RAVER2: variants seen among roughly 807,000 people sequenced by gnomAD.
RAVER2 encodes the protein ribonucleoprotein, PTB binding 2, also known as ribonucleoprotein PTB-binding 2.
In RAVER2, 46 loss-of-function variants were observed where a neutral mutation model predicts 78.1. The ratio of observed to expected loss-of-function variants is 0.59; its 90% CI spans 0.46 to 0.75. RAVER2 has a LOEUF of 0.75. Among genes scored for constraint, RAVER2 ranks in the 30% least tolerant of loss-of-function variants. The pLI is 0.00. For synonymous variants in RAVER2, 311 were observed against 313.3 expected (o/e 0.99, Z 0.08); for missense variants, 793 against 837.5 (o/e 0.95, Z 0.66).
At position 64,751,791 on chromosome 1, in the gene RAVER2, A is replaced by T. The variant is rs191148003; in HGVS notation, c.249+6370A>T. Among the ~76,000 whole-genome samples the T allele has an allele frequency of 4.3e-4, 66 of 151,990 alleles. 1 individual carries two copies. In the East Asian group the frequency reaches 5.8e-3, roughly 13 times the overall value. On this transcript the variant is annotated intron_variant, in intron 1 of 11. Coordinates refer to ENST00000294428, the Ensembl canonical transcript of RAVER2. ...TTTTAATTTTTAATTTAATTTTTTT[A>T]AAAAAAGCTTTATGCTTAACTTTCC...
chr1:64,810,144 A>G (rs1170350909), intron 9 of RAVER2, among the ~76,000 whole-genome samples: 1 of 152,118 alleles, frequency 6.6e-6, no homozygotes, highest in Non-Finnish European at 1.5e-5. Flanking sequence ...TTTTTGTTGG[A>G]ACTGTCATCC....
intron 5 of RAVER2, among the ~76,000 whole-genome samples, chr1:64,802,284 G>A (rs1653288768): frequency 1.3e-5 from 2 of 152,128 alleles, no homozygotes; most frequent in East Asian, 3.9e-4. Context: ...AAATTACTGG[G>A]AATGCAGCTC....
rs571688521 is a variant in RAVER2 at position 64,745,269 on chromosome 1, C to G, written c.97C>G (p.Pro33Ala). 1.2e-5 allele frequency: 17 copies of G among 1,364,044 alleles called. No homozygotes were observed. In the Admixed American group the frequency reaches 5.1e-4, roughly 41 times the overall value. The allele number at this position is 1,364,044 out of a possible 1,614,324, so 84.5% of individuals were successfully genotyped here. The change falls in exon 1 of 12, where the codon CCC becomes GCC. Residue 33 changes from proline to alanine, a missense_variant. Physicochemically the swap from Pro to Ala is conservative, Grantham distance 27 (BLOSUM62 -1). Coordinates refer to ENST00000294428, the Ensembl canonical transcript of RAVER2. This position sits in a 1 kb window ranked among gnomAD's most constrained non-coding sequence, Gnocchi z 4.3. ...GGGGCCGGGGCTGCGCGGGCAGGGC[C>G]CCTCAGCCGAAGCGCACGAGGGCGC...
chr1:64,797,104 T>C (rs927661571), intron 5 of RAVER2, among the ~76,000 whole-genome samples: 6 of 152,340 alleles, frequency 3.9e-5, no homozygotes, highest in African/African-American at 1.4e-4. Context: ...AATTAGAATT[T>C]AGACTTGTTT....
chr1:64,755,724 GTTTTTTTTTTTT>G lies in RAVER2; in HGVS notation c.249+10321_249+10332del, dbSNP rs753375050. Among the ~76,000 whole-genome samples the G allele has an allele frequency of 1.2e-3, 70 of 60,660 alleles. 1 individual carries two copies. The highest frequency in any genetic ancestry group is 3.5e-3 in the East Asian group (7 of 1,976). 39.8% of individuals were successfully genotyped at this position (60,660 alleles called of 152,430 possible). On this transcript the variant is annotated intron_variant, in intron 1 of 11. Transcript: ENST00000294428. ...CATTTCTCTGACTTTATGCTTCATA[GTTTTTTTTTTTT>G]TTTTTTTTTTTTTTTTTGTAGCCAG...
chr1:64,829,896 C>T (rs1034097386), intron 11 of RAVER2, among the ~76,000 whole-genome samples: 4 of 152,004 alleles, frequency 2.6e-5, no homozygotes, highest in African/African-American at 4.8e-5. Flanking sequence ...TCTTGTCATC[C>T]CTCTAACATG....
intron 11 of RAVER2, chr1:64,815,739 A>C (rs1183732111): frequency 6.6e-6 from 1 of 152,204 alleles, no homozygotes; most frequent in Non-Finnish European, 1.5e-5. Flanking sequence ...CCTGATTATA[A>C]GAGTACTAGA....
At chr1:64,803,540 T>C (rs1454999765) in intron 6 of RAVER2, among the ~76,000 whole-genome samples, 1 of 152,162 alleles carries the variant, frequency 6.6e-6, no homozygotes, top group African/African-American at 2.4e-5. Context: ...ATGTCTGTAA[T>C]ATTAGAGATA....
At chr1:64,779,279 A>C (rs1343621760) in intron 3 of RAVER2, among the ~76,000 whole-genome samples, 1 of 152,036 alleles carries the variant, frequency 6.6e-6, no homozygotes, top group Non-Finnish European at 1.5e-5. Flanking sequence ...ATATCTCCAC[A>C]AGCTCCCACA....
intron 1 of RAVER2, among the ~76,000 whole-genome samples, chr1:64,763,903 C>CA (rs938882542): frequency 7.6e-6 from 1 of 132,376 alleles, no homozygotes; most frequent in African/African-American, 3.0e-5. Flanking sequence ...AACTCCATCT[C>CA]AAAAAAACAA....
At chr1:64,785,010 CT>C (rs138333334) in intron 4 of RAVER2, among the ~76,000 whole-genome samples, 299 of 152,264 alleles carry the variant, frequency 2.0e-3, no homozygotes, top group African/African-American at 7.0e-3. Context: ...CAGGAGAGCT[CT>C]TTCTCATCCT....
intron 5 of RAVER2, among the ~76,000 whole-genome samples, chr1:64,790,158 C>A (rs552516305): frequency 1.3e-5 from 2 of 152,204 alleles, no homozygotes; most frequent in Non-Finnish European, 2.9e-5. Flanking sequence ...ACAGTGGTCT[C>A]CCCTTATCTA....
At chr1:64,810,446 A>G (rs1389897812) in intron 9 of RAVER2, among the ~76,000 whole-genome samples, 4 of 152,232 alleles carry the variant, frequency 2.6e-5, no homozygotes, top group African/African-American at 9.6e-5. Context: ...CTGGAGCAAG[A>G]CCTTTCATGT....
chr1:64,796,601 C>T (rs1653103137), intron 5 of RAVER2, among the ~76,000 whole-genome samples: 2 of 152,090 alleles, frequency 1.3e-5, no homozygotes, highest in African/African-American at 4.8e-5. Flanking sequence ...TCTGCAGGAT[C>T]TATAGTGATG....
chr1:64,802,022 A>C (rs1029816620), intron 5 of RAVER2, among the ~76,000 whole-genome samples: 9 of 152,256 alleles, frequency 5.9e-5, no homozygotes, highest in African/African-American at 2.2e-4. Flanking sequence ...ATGGTGGGCA[A>C]TTCCCAGAAC....
intron 1 of RAVER2, among the ~76,000 whole-genome samples, chr1:64,752,785 C>G (rs755332236): frequency 3.9e-5 from 6 of 152,150 alleles, no homozygotes; most frequent in Admixed American, 3.9e-4. Context: ...TTCAGCCTGG[C>G]TTAGCAGACA....
At chr1:64,777,147 T>G (rs547017373) in intron 2 of RAVER2, among the ~76,000 whole-genome samples, 21 of 152,190 alleles carry the variant, frequency 1.4e-4, no homozygotes, top group Non-Finnish European at 2.5e-4. Flanking sequence ...TGTACCTTCA[T>G]TTTTTCAGGT....
At chr1:64,746,474 C>T (rs1055597016) in intron 1 of RAVER2, among the ~76,000 whole-genome samples, 8 of 152,204 alleles carry the variant, frequency 5.3e-5, no homozygotes, top group Admixed American at 5.2e-4. Context: ...CTCCTGTAAC[C>T]GGATGCATGA....
chr1:64,823,708 ATCTT>A (rs1653939221), intron 11 of RAVER2, among the ~76,000 whole-genome samples: 1 of 152,168 alleles, frequency 6.6e-6, no homozygotes, highest in Non-Finnish European at 1.5e-5. Flanking sequence ...GTAAAAATAT[ATCTT>A]AAGCACCTTT....
Sources: gnomAD v4.1 joint callset for allele counts (sites outside exome capture counted in the v4.1 genomes callset) on GRCh38, gnomAD v4.1.1 for gene constraint, Gnocchi (gnomAD v3.1) non-coding constraint, MANE v1.5 for transcripts, NCBI Gene and HGNC (gene_info 2026-07-23, HGNC 2026-07-21) for gene names.